Variants in GRAMD1C observed in about 807,000 individuals in gnomAD.
GRAMD1C encodes protein Aster-C.
GRAMD1C carries 89 observed loss-of-function variants against 97.8 expected under a neutral mutation model. That is an observed-to-expected ratio of 0.91 (90% CI 0.77 to 1.09). The LOEUF (loss-of-function observed/expected upper bound fraction) is 1.09, where lower values mean the gene tolerates loss of function less well. GRAMD1C is among the 50% of genes least tolerant of loss of function. The pLI, the probability that GRAMD1C is intolerant of heterozygous loss-of-function variation, is 0.00. For missense variants in GRAMD1C, 740 were observed against 766.4 expected (o/e 0.97, Z 0.41); for synonymous variants, 256 against 267.0 (o/e 0.96, Z 0.40).
intron 9 of GRAMD1C, among the ~76,000 whole-genome samples, chr3:113,914,183 C>A (rs1218283612): frequency 6.6e-5 from 10 of 152,112 alleles, no homozygotes; most frequent in Non-Finnish European, 2.9e-5. Flanking sequence ...GTTTCCCAGG[C>A]CTAATTGGAA....
At chr3:113,837,865 GCCA>G (rs1709664860), upstream of GRAMD1C, among the ~76,000 whole-genome samples, 1 of 152,186 alleles carries the variant, frequency 6.6e-6, no homozygotes, top group Non-Finnish European at 1.5e-5. Flanking sequence ...CAGAGATTGC[GCCA>G]CCGCACTCCA....
chr3:113,914,950 A>T (rs751010675), intron 9 of GRAMD1C, among the ~76,000 whole-genome samples: 2 of 152,220 alleles, frequency 1.3e-5, no homozygotes, highest in Non-Finnish European at 2.9e-5. Context: ...AACATATAGT[A>T]AGCACTATGT....
intron 10 of GRAMD1C, chr3:113,919,963 A>G (rs1375083025): frequency 1.5e-6 from 1 of 668,564 alleles, no homozygotes; most frequent in Non-Finnish European, 2.8e-6. Flanking sequence ...AATTCCAATG[A>G]GACTGTTTTT....
At chr3:113,885,422 G>C (rs1421640756) in intron 6 of GRAMD1C, 2 of 1,572,848 alleles carry the variant, frequency 1.3e-6, no homozygotes, top group Non-Finnish European at 1.7e-6. Flanking sequence ...CAAACTGTTC[G>C]ATATGATATC....
chr3:113,881,420 A>G (rs943259224), intron 5 of GRAMD1C, among the ~76,000 whole-genome samples: 2 of 152,252 alleles, frequency 1.3e-5, no homozygotes, highest in African/African-American at 4.8e-5. Context: ...GGCCTCCCGA[A>G]ATGCTGGGAT....
intron 10 of GRAMD1C, 60 bp downstream of exon 10, chr3:113,915,898 A>G (rs1577201383): frequency 7.8e-7 from 1 of 1,277,864 alleles, no homozygotes; most frequent in African/African-American, 1.5e-5. Context: ...TTCTTAGAAT[A>G]TTGAGCATAT....
At chr3:113,912,577 T>G (rs1355148230) in intron 9 of GRAMD1C, among the ~76,000 whole-genome samples, 3 of 151,808 alleles carry the variant, frequency 2.0e-5, no homozygotes, top group Non-Finnish European at 2.9e-5. Context: ...CTACAAAAAA[T>G]AGAAAATTAG....
chr3:113,856,625 C>T (rs1297060456), intron 2 of GRAMD1C, among the ~76,000 whole-genome samples: 2 of 152,168 alleles, frequency 1.3e-5, no homozygotes, highest in Non-Finnish European at 2.9e-5. Flanking sequence ...CTGCAGCCTC[C>T]ACCTCCTGAG....
intron 1 of GRAMD1C, among the ~76,000 whole-genome samples, chr3:113,831,175 G>A (rs533477438): frequency 6.6e-6 from 1 of 152,258 alleles, no homozygotes; most frequent in East Asian, 1.9e-4. Context: ...TCCCAGTAAT[G>A]TTCTTTATAA....
At chr3:113,846,502 A>G (rs564142427) in intron 2 of GRAMD1C, among the ~76,000 whole-genome samples, 2 of 152,120 alleles carry the variant, frequency 1.3e-5, no homozygotes, top group African/African-American at 2.4e-5. Context: ...TGTGGTTACT[A>G]TTGACAGACT....
At chr3:113,861,213 T>C (rs559540123) in intron 2 of GRAMD1C, among the ~76,000 whole-genome samples, 39 of 152,266 alleles carry the variant, frequency 2.6e-4, no homozygotes, top group African/African-American at 8.9e-4. Flanking sequence ...TAGACTTACA[T>C]GTAAGAGCTA....
At chr3:113,910,636 G>T (rs1936533493) in intron 9 of GRAMD1C, among the ~76,000 whole-genome samples, 1 of 152,056 alleles carries the variant, frequency 6.6e-6, no homozygotes, top group African/African-American at 2.4e-5. Flanking sequence ...AACAAAATTG[G>T]GAAAGAAAAT....
intron 15 of GRAMD1C, chr3:113,938,904 T>G (rs1937637200): frequency 6.6e-6 from 1 of 152,202 alleles, no homozygotes. Context: ...ATTATAGATT[T>G]CAGAACATAG....
intron 6 of GRAMD1C, among the ~76,000 whole-genome samples, chr3:113,898,077 T>C (rs1353016948): frequency 6.6e-6 from 1 of 152,198 alleles, no homozygotes; most frequent in African/African-American, 2.4e-5. Flanking sequence ...CTGTTATATA[T>C]ATTAAATTAC....
chr3:113,892,387 G>A (rs1301665577), intron 6 of GRAMD1C, among the ~76,000 whole-genome samples: 2 of 151,974 alleles, frequency 1.3e-5, no homozygotes, highest in African/African-American at 4.8e-5. Context: ...CAGGAGAATC[G>A]CTTGAACCTG....
At chr3:113,934,589 A>G (rs1937541521) in intron 13 of GRAMD1C, 54 bp downstream of exon 13, 1 of 778,400 alleles carries the variant, frequency 1.3e-6, no homozygotes. Flanking sequence ...TTATTAACAA[A>G]ATGGATTGAT....
At chr3:113,910,877 G>A (rs903648845) in intron 9 of GRAMD1C, among the ~76,000 whole-genome samples, 22 of 152,170 alleles carry the variant, frequency 1.4e-4, no homozygotes, top group African/African-American at 5.1e-4. Context: ...GAAGGACAGA[G>A]GTGTGCCAAG....
intron 6 of GRAMD1C, chr3:113,886,180 A>G: frequency 2.1e-6 from 3 of 1,433,472 alleles, no homozygotes; most frequent in South Asian, 1.5e-5. Context: ...TGGGAGCCCT[A>G]CACTCCACTT....
intron 5 of GRAMD1C, among the ~76,000 whole-genome samples, chr3:113,881,446 C>A (rs772036370): frequency 6.6e-6 from 1 of 152,236 alleles, no homozygotes; most frequent in Admixed American, 6.5e-5. Context: ...GCATGAGCCA[C>A]CATGCCCAGC....
Sources: allele counts gnomAD v4.1 joint callset (sites outside exome capture counted in the v4.1 genomes callset), GRCh38; gene constraint gnomAD v4.1.1; transcripts MANE v1.5; gene names NCBI Gene and HGNC (gene_info 2026-07-23, HGNC 2026-07-21).